BCL7C: variants seen among roughly 807,000 people sequenced by gnomAD.
BCL7C encodes BAF chromatin remodeling complex subunit BCL7C, also known as B-cell CLL/lymphoma 7 protein family member C.
BCL7C carries 8 observed loss-of-function variants against 26.2 expected under a neutral mutation model. The observed-to-expected ratio is 0.30, with a 90% CI of 0.18 to 0.55. BCL7C has a LOEUF of 0.55. Ranked by LOEUF, BCL7C falls within the 20% of genes least tolerant of loss-of-function variation. BCL7C has a pLI of 0.93. For synonymous variants in BCL7C, 90 were observed against 116.5 expected (o/e 0.77, Z 1.47); for missense variants, 262 against 298.5 (o/e 0.88, Z 0.90).
chr16:30,843,209 G>A (rs1855136363), intron 5 of BCL7C, among the ~76,000 whole-genome samples: 1 of 152,212 alleles, frequency 6.6e-6, no homozygotes, highest in Non-Finnish European at 1.5e-5. Flanking sequence ...TCTGTAGAAT[G>A]AGAGATACTC....
At chr16:30,869,444 G>C (rs1246958404) in intron 5 of BCL7C, among the ~76,000 whole-genome samples, 1 of 150,416 alleles carries the variant, frequency 6.6e-6, no homozygotes, top group Non-Finnish European at 1.5e-5. Context: ...AGCTCTAGTG[G>C]ATCTCCTGCC....
downstream of BCL7C, among the ~76,000 whole-genome samples, chr16:30,884,312 C>T (rs1403258737): frequency 6.6e-6 from 1 of 151,880 alleles, no homozygotes; most frequent in Non-Finnish European, 1.5e-5. Context: ...TGTCCCCAGC[C>T]TCAGGGACAG....
intron 5 of BCL7C, among the ~76,000 whole-genome samples, chr16:30,835,379 A>G (rs370540268): frequency 7.2e-5 from 11 of 152,162 alleles, no homozygotes; most frequent in Non-Finnish European, 1.0e-4. Context: ...TTGAATCCCA[A>G]TTCCAGCCAT....
chr16:30,884,107 A>G (rs2055087649), downstream of BCL7C, among the ~76,000 whole-genome samples: 1 of 149,506 alleles, frequency 6.7e-6, no homozygotes, highest in African/African-American at 2.5e-5. Context: ...CCTGGGCGAC[A>G]GAGCGAAACT....
At chr16:30,856,973 T>A (rs1301782789) in intron 5 of BCL7C, among the ~76,000 whole-genome samples, 2 of 152,208 alleles carry the variant, frequency 1.3e-5, no homozygotes, top group African/African-American at 4.8e-5. Flanking sequence ...CCAACTGGTA[T>A]TACCACCCCA....
intron 5 of BCL7C, chr16:30,851,520 G>A (rs185311021): frequency 1.2e-5 from 3 of 260,650 alleles, no homozygotes; most frequent in African/African-American, 4.5e-5. Context: ...GATTACAGGC[G>A]TGAGCCACCG....
intron 5 of BCL7C, among the ~76,000 whole-genome samples, chr16:30,849,760 CTTTTTTTT>C (rs57218612): frequency 8.2e-4 from 116 of 141,570 alleles, no homozygotes; most frequent in African/African-American, 2.8e-3. Flanking sequence ...CTCCTTTTTT[CTTTTTTTT>C]TTTTTTGGAG....
At chr16:30,878,056 T>C (rs2054979265) in intron 5 of BCL7C, among the ~76,000 whole-genome samples, 1 of 151,854 alleles carries the variant, frequency 6.6e-6, no homozygotes, top group Non-Finnish European at 1.5e-5. Context: ...GCACCTGTAA[T>C]CCCAGCTACT....
At chr16:30,877,323 A>T (rs1284322750) in intron 5 of BCL7C, among the ~76,000 whole-genome samples, 1 of 152,136 alleles carries the variant, frequency 6.6e-6, no homozygotes, top group Admixed American at 6.5e-5. Context: ...GCGCAGGTTG[A>T]AGGGTAGCAA....
rs1353424357 is a variant in BCL7C at position 30,864,293 on chromosome 16, G to A, written c.528+24567C>T. On this transcript the variant is annotated intron_variant, in intron 5 of 5. Transcript: ENST00000380317. ...CAAATAATTATGCTGAACCCCCTTG[G>A]ACACTCTCTAATTGGATGTCCTGAG... is the stretch of plus-strand genomic sequence containing the variant. Among the ~76,000 whole-genome samples the A allele has an allele frequency of 2.6e-5, 4 of 152,086 alleles. No homozygotes were observed. The East Asian group carries it at 7.7e-4, about 29-fold the overall frequency.
intron 5 of BCL7C, chr16:30,851,958 G>T: frequency 5.8e-6 from 1 of 171,228 alleles, no homozygotes; most frequent in South Asian, 1.5e-4. Flanking sequence ...GTAAGGTCAT[G>T]AGGCACCCAC....
intron 5 of BCL7C, among the ~76,000 whole-genome samples, chr16:30,867,610 T>C (rs1366089405): frequency 1.3e-5 from 2 of 152,084 alleles, no homozygotes; most frequent in African/African-American, 4.8e-5. Flanking sequence ...CTGGCCAACA[T>C]GGTGAAACCC....
intron 5 of BCL7C, among the ~76,000 whole-genome samples, chr16:30,873,679 T>C (rs1301559847): frequency 2.0e-5 from 3 of 151,502 alleles, no homozygotes; most frequent in African/African-American, 7.3e-5. Context: ...AGCAAAACCC[T>C]GTCTCTACTA....
At chr16:30,851,207 G>T in intron 5 of BCL7C, 1 of 301,430 alleles carries the variant, frequency 3.3e-6, no homozygotes, top group Non-Finnish European at 6.6e-6. Flanking sequence ...GGTGAATATG[G>T]TGGATGAGGC....
At chr16:30,863,394 G>T (rs944108736) in intron 5 of BCL7C, among the ~76,000 whole-genome samples, 1 of 152,074 alleles carries the variant, frequency 6.6e-6, no homozygotes, top group African/African-American at 2.4e-5. Flanking sequence ...TCCATATCCT[G>T]CACCACCATG....
At chr16:30,846,520 C>T (rs2054637039) in intron 5 of BCL7C, among the ~76,000 whole-genome samples, 1 of 152,118 alleles carries the variant, frequency 6.6e-6, no homozygotes, top group African/African-American at 2.4e-5. Flanking sequence ...AGCCACTGCG[C>T]CCGGCTTAAA....
intron 5 of BCL7C, among the ~76,000 whole-genome samples, chr16:30,874,947 A>C (rs2054923449): frequency 6.6e-6 from 1 of 152,070 alleles, no homozygotes; most frequent in Admixed American, 6.6e-5. Flanking sequence ...CGCACTGGAG[A>C]CCGGGAATGG....
intron 5 of BCL7C, chr16:30,835,168 AT>A: frequency 9.6e-6 from 14 of 1,460,112 alleles, no homozygotes; most frequent in Non-Finnish European, 1.3e-5. Context: ...GAAAAGAAGA[AT>A]CTGGGTAGTG....
At chr16:30,860,952 T>C (rs1243551832) in intron 5 of BCL7C, among the ~76,000 whole-genome samples, 1 of 152,054 alleles carries the variant, frequency 6.6e-6, no homozygotes, top group East Asian at 1.9e-4. Flanking sequence ...TCACACCCGG[T>C]CCGGCTTACA....
Sources: allele counts gnomAD v4.1 joint callset (sites outside exome capture counted in the v4.1 genomes callset), GRCh38; gene constraint gnomAD v4.1.1; transcripts MANE v1.5; gene names NCBI Gene and HGNC (gene_info 2026-07-23, HGNC 2026-07-21).